Variants in DPP6 observed in about 807,000 individuals in gnomAD.
DPP6 encodes the protein dipeptidyl peptidase like 6.
Under a neutral mutation model 122.6 loss-of-function variants are expected in DPP6, and 69 were observed. That is an observed-to-expected ratio of 0.56 (90% confidence interval 0.46 to 0.69). DPP6 has a LOEUF of 0.69. Among genes scored for constraint, DPP6 ranks in the 30% least tolerant of loss-of-function variants. The pLI, the probability that DPP6 is intolerant of heterozygous loss-of-function variation, is 0.00. For synonymous variants in DPP6, 418 were observed against 433.1 expected (o/e 0.97, Z 0.43); for missense variants, 928 against 1,116.9 (o/e 0.83, Z 2.41).
chr7:154,704,016 G>A (rs2131275954), intron 7 of DPP6, among the ~76,000 whole-genome samples: 1 of 152,254 alleles, frequency 6.6e-6, no homozygotes. Flanking sequence ...TCTGGGCAAA[G>A]TACATTGAAA....
At chr7:154,251,086 G>A (rs1342335876) in intron 1 of DPP6, among the ~76,000 whole-genome samples, 2 of 152,240 alleles carry the variant, frequency 1.3e-5, no homozygotes, top group East Asian at 1.9e-4. Context: ...ATGAGAAAAT[G>A]TTTATAAGAG....
At position 154,241,793 on chromosome 7, in the gene DPP6, AT is replaced by A. The variant is rs1197985272; in HGVS notation, c.243+188731del. Reference sequence around the variant, plus strand: ...GATTGTCTGCCGACCGAAAAAGTTTATGTCAAAACTACAGAAAAGAGCCATT... The same window carrying A: ...GATTGTCTGCCGACCGAAAAAGTTTAGTCAAAACTACAGAAAAGAGCCATT... On this transcript the variant is annotated intron_variant, in intron 1 of 25. Transcript: ENST00000377770. This position sits in a 1 kb window ranked among gnomAD's most constrained non-coding sequence, Gnocchi z 9.0. Among the ~76,000 whole-genome samples the A allele has an allele frequency of 3.9e-5, 6 of 152,260 alleles. No homozygotes were observed. The East Asian group carries it at 9.6e-4, about 24-fold the overall frequency.
intron 1 of DPP6, among the ~76,000 whole-genome samples, chr7:154,351,663 C>T (rs1810868772): frequency 6.6e-6 from 1 of 152,130 alleles, no homozygotes; most frequent in African/African-American, 2.4e-5. Flanking sequence ...AGCTGATCTA[C>T]AAGGGTAACC....
intron 1 of DPP6, among the ~76,000 whole-genome samples, chr7:154,401,829 A>G (rs1172896383): frequency 1.3e-5 from 2 of 152,184 alleles, no homozygotes; most frequent in Non-Finnish European, 2.9e-5. Context: ...AATGGGAGAA[A>G]ATTTTCGCAG....
the DPP6 span, among the ~76,000 whole-genome samples, chr7:153,824,462 G>A: frequency 2.0e-4 from 31 of 151,762 alleles, no homozygotes; most frequent in Admixed American, 1.2e-3. Context: ...CGAGGTGGGT[G>A]GATCACCTGA....
At chr7:154,298,350 C>G (rs373271734) in intron 1 of DPP6, among the ~76,000 whole-genome samples, 121 of 152,136 alleles carry the variant, frequency 8.0e-4, no homozygotes, top group African/African-American at 2.8e-3. Flanking sequence ...CTAGAAGGCT[C>G]CGGGGCAGTG....
chr7:154,342,261 C>T (rs148858584), intron 1 of DPP6, among the ~76,000 whole-genome samples: 1 of 152,112 alleles, frequency 6.6e-6, no homozygotes, highest in Non-Finnish European at 1.5e-5. Context: ...GTGGGCACAG[C>T]ATGGAAAGGA....
At chr7:154,166,137 C>A (rs751325997) in intron 1 of DPP6, among the ~76,000 whole-genome samples, 1 of 152,118 alleles carries the variant, frequency 6.6e-6, no homozygotes, top group African/African-American at 2.4e-5. Flanking sequence ...TTAATTACAG[C>A]GTTATTAAAC....
chr7:154,015,815 A>T (rs550312394), intron 1 of DPP6, among the ~76,000 whole-genome samples: 2 of 151,068 alleles, frequency 1.3e-5, no homozygotes, highest in Non-Finnish European at 3.0e-5. Flanking sequence ...CCCTGCTTCC[A>T]CTCCCCCTCC....
chr7:154,761,106 A>T (rs1223136534), intron 8 of DPP6, among the ~76,000 whole-genome samples: 1 of 152,146 alleles, frequency 6.6e-6, no homozygotes, highest in African/African-American at 2.4e-5. Context: ...AAGTGCTGAG[A>T]TTATAGGTGT....
intron 1 of DPP6, among the ~76,000 whole-genome samples, chr7:154,267,584 CACAT>C (rs1371954080): frequency 2.7e-5 from 4 of 150,762 alleles, no homozygotes; most frequent in African/African-American, 9.7e-5. Flanking sequence ...CACATATGTG[CACAT>C]ACATATATAT....
upstream of DPP6, among the ~76,000 whole-genome samples, chr7:154,050,228 TTAGA>T (rs200120102): frequency 0.014 from 2,057 of 152,318 alleles, 40 homozygotes; most frequent in African/African-American, 0.046. Context: ...TCATATTTTC[TTAGA>T]TAATTTAATT....
chr7:154,617,489 G>A (rs750183783), intron 5 of DPP6, among the ~76,000 whole-genome samples: 1 of 152,112 alleles, frequency 6.6e-6, no homozygotes, highest in Non-Finnish European at 1.5e-5. Flanking sequence ...GGAATCAAGG[G>A]TCATCTAATG....
intron 1 of DPP6, among the ~76,000 whole-genome samples, chr7:154,062,632 G>A (rs1304655765): frequency 2.2e-5 from 1 of 45,828 alleles, no homozygotes; most frequent in Non-Finnish European, 3.8e-5. Flanking sequence ...CTGGCTCTTA[G>A]GACCCCCATC....
chr7:154,463,488 T>C (rs1821509261), intron 2 of DPP6, among the ~76,000 whole-genome samples: 1 of 152,052 alleles, frequency 6.6e-6, no homozygotes, highest in Non-Finnish European at 1.5e-5. Flanking sequence ...ATTACAGGCG[T>C]GAGCCACCGC....
chr7:154,066,099 A>G (rs1039976408), intron 1 of DPP6, among the ~76,000 whole-genome samples: 2 of 136,486 alleles, frequency 1.5e-5, no homozygotes, highest in African/African-American at 5.5e-5. Flanking sequence ...TCTCTCTGTT[A>G]CCCAGGCTGG....
At chr7:154,822,468 C>A (rs1799857682) in intron 16 of DPP6, among the ~76,000 whole-genome samples, 1 of 152,126 alleles carries the variant, frequency 6.6e-6, no homozygotes, top group African/African-American at 2.4e-5. Flanking sequence ...TAAGGCCCGA[C>A]CCCCTAACAC....
At chr7:154,308,987 C>T (rs567138550) in intron 1 of DPP6, among the ~76,000 whole-genome samples, 6 of 152,320 alleles carry the variant, frequency 3.9e-5, no homozygotes, top group Non-Finnish European at 1.5e-5. Context: ...CACACGTGAA[C>T]AGTCACACAC....
At chr7:154,391,412 C>T (rs1428109612) in intron 1 of DPP6, among the ~76,000 whole-genome samples, 4 of 152,212 alleles carry the variant, frequency 2.6e-5, no homozygotes, top group Non-Finnish European at 5.9e-5. Context: ...TAGTTTTAGA[C>T]TCTCCTAATC....
Sources: allele counts gnomAD v4.1 joint callset (sites outside exome capture counted in the v4.1 genomes callset), GRCh38; gene constraint gnomAD v4.1.1; non-coding constraint Gnocchi (gnomAD v3.1); transcripts MANE v1.5; gene names NCBI Gene and HGNC (gene_info 2026-07-23, HGNC 2026-07-21).